LPP: variants seen among roughly 807,000 people sequenced by gnomAD.
The protein encoded by LPP is LIM domain containing preferred translocation partner in lipoma.
A neutral mutation model predicts 60.4 loss-of-function variants in LPP; 38 were observed. The observed-to-expected ratio is 0.63, with a 90% CI of 0.49 to 0.83. The LOEUF (loss-of-function observed/expected upper bound fraction) is 0.83. Ranked by LOEUF, LPP falls within the 40% of genes least tolerant of loss-of-function variation. The pLI is 0.00. For synonymous variants in LPP, 328 were observed against 290.8 expected (o/e 1.13, Z -1.30); for missense variants, 902 against 783.6 (o/e 1.15, Z -1.80).
At position 188,716,342 on chromosome 3, in the gene LPP, T is replaced by C. The variant is rs7619646; in HGVS notation, c.1240+7949T>C. Among the ~76,000 whole-genome samples, 371 of 152,296 alleles carry C rather than the reference T, an allele frequency of 2.4e-3. 3 individuals carry two copies. Among genetic ancestry groups the C allele is most frequent in the African/African-American group, 8.5e-3 (355 of 41,562 alleles). ...TCACTTTATTGGTTATGCCAGCTCA[T>C]TGTATTTGGTGCCTTGGTATCAACT... On this transcript the variant is annotated intron_variant, in intron 8 of 11. Transcript: ENST00000617246.
At chr3:188,569,524 T>C (rs1352351490) in intron 6 of LPP, among the ~76,000 whole-genome samples, 1 of 152,038 alleles carries the variant, frequency 6.6e-6, no homozygotes, top group Non-Finnish European at 1.5e-5. Context: ...AAAATTATAA[T>C]TAAATAAAAG....
intron 4 of LPP, among the ~76,000 whole-genome samples, chr3:188,426,822 A>G (rs1789499638): frequency 1.3e-5 from 2 of 151,756 alleles, no homozygotes; most frequent in Admixed American, 1.3e-4. Flanking sequence ...TCCTCGATCC[A>G]TTTATTTTGA....
chr3:188,453,982 T>C (rs1797183705), intron 4 of LPP, among the ~76,000 whole-genome samples: 1 of 152,242 alleles, frequency 6.6e-6, no homozygotes, highest in Admixed American at 6.5e-5. Flanking sequence ...GTAGTATGAT[T>C]GAAGGCAGGG....
At chr3:188,415,845 T>C (rs1333239455) in intron 4 of LPP, among the ~76,000 whole-genome samples, 1 of 152,142 alleles carries the variant, frequency 6.6e-6, no homozygotes, top group African/African-American at 2.4e-5. Flanking sequence ...GTGGAACAGA[T>C]CTGTACCTCA....
intron 11 of LPP, 51 bp downstream of exon 11, chr3:188,872,814 C>T (rs1256973274): frequency 1.2e-6 from 2 of 1,611,240 alleles, no homozygotes; most frequent in East Asian, 2.2e-5. Context: ...TTGAAAGGCT[C>T]GTTCGAGCTA....
chr3:188,262,481 C>T (rs1734001413), intron 2 of LPP, among the ~76,000 whole-genome samples: 2 of 152,002 alleles, frequency 1.3e-5, no homozygotes, highest in Admixed American at 1.3e-4. Flanking sequence ...TGCTATCAGA[C>T]CTCAAGTTTT....
intron 7 of LPP, among the ~76,000 whole-genome samples, chr3:188,666,171 T>C (rs1312188181): frequency 6.6e-6 from 1 of 152,256 alleles, no homozygotes; most frequent in Non-Finnish European, 1.5e-5. Flanking sequence ...AGAATTGTAA[T>C]GTTATAAACT....
chr3:188,453,941 A>G (rs1797174737), intron 4 of LPP, among the ~76,000 whole-genome samples: 2 of 152,138 alleles, frequency 1.3e-5, no homozygotes, highest in South Asian at 4.1e-4. Flanking sequence ...ATCCTATTAC[A>G]TTCTTCTCAT....
At chr3:188,392,162 A>G (rs1779858988) in intron 3 of LPP, among the ~76,000 whole-genome samples, 1 of 152,212 alleles carries the variant, frequency 6.6e-6, no homozygotes. Flanking sequence ...ACGTTCTATT[A>G]CATCTCTACT....
At chr3:188,864,131 C>A (rs1449073657) in intron 9 of LPP, among the ~76,000 whole-genome samples, 1 of 152,146 alleles carries the variant, frequency 6.6e-6, no homozygotes, top group African/African-American at 2.4e-5. Context: ...TTTAATTTCA[C>A]CACTTCAAAA....
At chr3:188,592,557 G>GTTTTTTTGTTTTTTT (rs1553936333) in intron 6 of LPP, among the ~76,000 whole-genome samples, 1 of 85,754 alleles carries the variant, frequency 1.2e-5, no homozygotes, top group African/African-American at 4.5e-5. Flanking sequence ...TTTTGTTTTT[G>GTTTTTTTGTTTTTTT]TTTTTTAAAT....
chr3:188,532,131 G>A (rs1238748344), intron 6 of LPP, among the ~76,000 whole-genome samples: 1 of 152,148 alleles, frequency 6.6e-6, no homozygotes, highest in Admixed American at 6.5e-5. Flanking sequence ...TTCTGTCCAG[G>A]CATGGTATCT....
In LPP at chr3:188,765,297, A is replaced by AACACACAC. The variant is rs60149759; in HGVS notation, c.1410+5050_1410+5057dup. On this transcript the variant is annotated intron_variant, in intron 9 of 11. Transcript: ENST00000617246. ...TCTTGTCTCTCTTTCTGTCTCACAC[A>AACACACAC]ACACACACACACACACACACACACA... 9.8e-3 allele frequency among the ~76,000 whole-genome samples: 1,406 copies of AACACACAC among 144,052 alleles called. 11 individuals are homozygous for AACACACAC. Among genetic ancestry groups the AACACACAC allele is most frequent in the East Asian group, 0.028 (134 of 4,772 alleles). 94.5% of individuals were successfully genotyped at this position (144,052 alleles called of 152,430 possible).
chr3:188,180,469 C>T (rs1040294391), intron 1 of LPP: 5 of 154,544 alleles, frequency 3.2e-5, no homozygotes, highest in Non-Finnish European at 5.9e-5. Flanking sequence ...TCTGTCTCCT[C>T]TTTCTTGAAC....
At chr3:188,503,658 A>G (rs1401836475) in intron 5 of LPP, among the ~76,000 whole-genome samples, 2 of 147,464 alleles carry the variant, frequency 1.4e-5, no homozygotes, top group Admixed American at 6.8e-5. Flanking sequence ...TTTTTTCATG[A>G]CTGGCATTTT....
chr3:188,451,075 T>C (rs1047854127), intron 4 of LPP, among the ~76,000 whole-genome samples: 3 of 152,138 alleles, frequency 2.0e-5, no homozygotes, highest in African/African-American at 7.2e-5. Flanking sequence ...TTTTTAAACA[T>C]AAAGGCTTCA....
intron 2 of LPP, among the ~76,000 whole-genome samples, chr3:188,280,639 C>T (rs938059914): frequency 3.3e-5 from 5 of 151,780 alleles, no homozygotes; most frequent in South Asian, 2.1e-4. Flanking sequence ...CAGTTGTCGA[C>T]GGTCCTATGT....
chr3:188,441,026 A>ACG (rs1553899312), intron 4 of LPP, among the ~76,000 whole-genome samples: 4 of 146,352 alleles, frequency 2.7e-5, no homozygotes, highest in Admixed American at 2.7e-4. Flanking sequence ...CTCCCTTAAT[A>ACG]TGTGTGTGTG....
intron 6 of LPP, among the ~76,000 whole-genome samples, chr3:188,561,002 A>G (rs1830544178): frequency 6.6e-6 from 1 of 152,060 alleles, no homozygotes; most frequent in South Asian, 2.1e-4. Flanking sequence ...TTCAAGCAGC[A>G]TCCTTCTCCC....
Sources: gnomAD v4.1 joint callset for allele counts (sites outside exome capture counted in the v4.1 genomes callset) on GRCh38, gnomAD v4.1.1 for gene constraint, MANE v1.5 for transcripts, NCBI Gene and HGNC (gene_info 2026-07-23, HGNC 2026-07-21) for gene names.